The following AP3B2 variants were observed in gnomAD, a reference collection of about 807,000 sequenced individuals.
AP3B2 encodes adaptor related protein complex 3 subunit beta 2.
A neutral mutation model predicts 126.9 loss-of-function variants in AP3B2; 50 were observed. That is an observed-to-expected ratio of 0.39 (90% CI 0.31 to 0.50). The LOEUF is 0.50. Ranked by LOEUF, AP3B2 falls within the 20% of genes least tolerant of loss-of-function variation. AP3B2 has a pLI of 0.79. For missense variants in AP3B2, 1,177 were observed against 1,426.4 expected, an observed-to-expected ratio of 0.83 and a Z score of 2.82; for synonymous variants, 541 against 565.0, an observed-to-expected ratio of 0.96 and a Z score of 0.60.
chr15:82,659,488 TGAGAG>T lies in AP3B2; in HGVS notation c.*67_*71del. The stretch of plus-strand genomic sequence containing the variant: ...GGATGATGAGAGAGAGAGAGAAAGA[TGAGAG>T]AGACTGACAGCCTAGGTGTCATGGG... On this transcript the variant is annotated 3_prime_UTR_variant, in exon 27 of 27. Coordinates refer to ENST00000535359, the MANE Select transcript of AP3B2 (RefSeq NM_001278512.2). The T allele has an allele frequency of 6.4e-7, 1 of 1,561,508 alleles. No individual in the cohort carries two copies. The highest frequency in any genetic ancestry group is 2.3e-5 in the East Asian group (1 of 44,274).
chr15:82,689,674 T>A (rs1291584631), intron 1 of AP3B2: 1 of 576,012 alleles, frequency 1.7e-6, no homozygotes, highest in Non-Finnish European at 3.1e-6. Context: ...AAAAAGGATA[T>A]ATTTAAGTCT....
chr15:82,708,301 G>T (rs1015886997), intron 1 of AP3B2, among the ~76,000 whole-genome samples: 2 of 147,086 alleles, frequency 1.4e-5, no homozygotes, highest in Non-Finnish European at 3.0e-5. Context: ...ATTTCCCTTC[G>T]CTGACTCTTT....
At chr15:82,677,473 G>A (rs1015146402) in intron 12 of AP3B2, 90 bp from the exon 13 acceptor site, 36 of 1,402,324 alleles carry the variant, frequency 2.6e-5, no homozygotes, top group Non-Finnish European at 3.4e-5. Context: ...CCAGGCCCTT[G>A]GCTCTTTCTC....
intron 1 of AP3B2, chr15:82,692,673 C>G (rs778330911): frequency 6.5e-6 from 1 of 154,980 alleles, no homozygotes; most frequent in Non-Finnish European, 1.4e-5. Flanking sequence ...CCTGACCTCT[C>G]AGACCAAACT....
intron 14 of AP3B2, among the ~76,000 whole-genome samples, chr15:82,669,980 G>A (rs67205493): frequency 0.13 from 14,584 of 108,396 alleles, 1,232 homozygotes; most frequent in East Asian, 0.23. Flanking sequence ...CAGAGCCTGG[G>A]CAACAGAGTG....
intron 4 of AP3B2, among the ~76,000 whole-genome samples, chr15:82,684,642 G>A (rs995419155): frequency 6.6e-6 from 1 of 152,100 alleles, no homozygotes; most frequent in Non-Finnish European, 1.5e-5. Context: ...AGCCTCCCAA[G>A]TAGCTAAGAC....
intron 4 of AP3B2, chr15:82,686,361 C>A (rs983598335): frequency 6.6e-6 from 1 of 152,080 alleles, no homozygotes; most frequent in African/African-American, 2.4e-5. Flanking sequence ...ATGATTGGTT[C>A]CAACATGCAG....
chr15:82,689,459 G>A lies in AP3B2; in HGVS notation c.114-6C>T. On this transcript the variant is annotated splice_region_variant and splice_polypyrimidine_tract_variant and intron_variant, in intron 1 of 26. Transcript: ENST00000535359. Reference sequence around the variant, plus strand: ...TCTCCTTCAGGTCATCATGCCTGGTGGGAGGTACAAGAAGTCAGCTGAGGG... The same window carrying A: ...TCTCCTTCAGGTCATCATGCCTGGTAGGAGGTACAAGAAGTCAGCTGAGGG... 1 of 1,612,852 alleles carries A rather than the reference G, an allele frequency of 6.2e-7. No individual in the cohort carries two copies. Among genetic ancestry groups the A allele is most frequent in the Non-Finnish European group, 8.5e-7 (1 of 1,179,490 alleles).
In AP3B2 at chr15:82,680,289, T is replaced by C; in HGVS notation, c.1056-60A>G. The C allele has an allele frequency of 6.2e-7, 1 of 1,608,588 alleles. No homozygotes were observed. The highest frequency in any genetic ancestry group is 2.2e-5 in the East Asian group (1 of 44,758). ...CTCGGTTGGGGCAAGGGTCAGCGGA[T>C]GAGGGGAAAAGGTGGGGCAAGTCGT... On this transcript the variant is annotated intron_variant, in intron 8 of 26. Transcript: ENST00000535359. The surrounding 1 kb of genome is among the most constrained non-coding windows in gnomAD (Gnocchi z 6.1).
chr15:82,692,088 A>C, intron 1 of AP3B2: 1 of 1,495,782 alleles, frequency 6.7e-7, no homozygotes, highest in Non-Finnish European at 9.2e-7. Context: ...CATTCCTCCC[A>C]CCACGGGGCC....
In AP3B2 at chr15:82,709,692, G is replaced by C. The variant is rs1024465217; in HGVS notation, c.15C>G (p.Pro5=). The C allele has an allele frequency of 1.5e-5, 23 of 1,494,620 alleles. No homozygotes were observed. Among genetic ancestry groups the C allele is most frequent in the Non-Finnish European group, 2.0e-5 (22 of 1,123,604 alleles). The allele number at this position is 1,494,620 out of a possible 1,614,324, so 92.6% of individuals were successfully genotyped here. MSAA[P]AYSEDKGGSA... ...AGCCGCCCTTGTCTTCGCTGTAGGC[G>C]GGGGCGGCCGACATGGGGCGGCCAG... The change falls in exon 1 of 27, where the codon CCC becomes CCG. Residue 5 remains proline, a synonymous_variant. Transcript: ENST00000535359.
intron 1 of AP3B2, among the ~76,000 whole-genome samples, chr15:82,691,075 T>G (rs924960637): frequency 1.5e-4 from 23 of 152,212 alleles, no homozygotes; most frequent in Non-Finnish European, 2.9e-4. Context: ...AACATACGTG[T>G]GCATGTGTCT....
intron 14 of AP3B2, among the ~76,000 whole-genome samples, chr15:82,676,059 C>A (rs986275869): frequency 6.6e-6 from 1 of 152,162 alleles, no homozygotes; most frequent in Non-Finnish European, 1.5e-5. Context: ...ATCTTTGGCA[C>A]AGACTGGCCA....
In AP3B2 at chr15:82,709,648, G is replaced by C; in HGVS notation, c.59C>G (p.Pro20Arg). 1 of 1,518,976 alleles carries C rather than the reference G, an allele frequency of 6.6e-7. No homozygotes were observed. The highest frequency in any genetic ancestry group is 8.8e-7 in the Non-Finnish European group (1 of 1,136,148). 94.1% of individuals were successfully genotyped at this position (1,518,976 alleles called of 1,614,324 possible). The part of the protein sequence containing the change: ...DKGGSAGPGE[P>R]EYGHDPASGG... ...GCTCGCGGGGTCGTGGCCGTACTCG[G>C]GCTCCCCGGGGCCAGCGGAGCCGCC... The change falls in exon 1 of 27, where the codon CCC becomes CGC. Residue 20 changes from proline (P) to arginine (R), a missense_variant. Physicochemically the swap from Pro to Arg is moderately radical, Grantham distance 103. Transcript: ENST00000535359.
chr15:82,668,105 A>C (rs1049539965), intron 14 of AP3B2, among the ~76,000 whole-genome samples: 1 of 152,246 alleles, frequency 6.6e-6, no homozygotes, highest in African/African-American at 2.4e-5. Flanking sequence ...GCAGATGTCC[A>C]TAAGGGGCAA....
chr15:82,690,633 TTTC>T (rs1194659836), intron 1 of AP3B2, among the ~76,000 whole-genome samples: 9 of 149,678 alleles, frequency 6.0e-5, no homozygotes, highest in South Asian at 4.2e-4. Context: ...TGTGCCACAT[TTTC>T]TTCTTCTTTT....
chr15:82,706,328 A>G (rs1032529090), intron 1 of AP3B2, among the ~76,000 whole-genome samples: 2 of 152,132 alleles, frequency 1.3e-5, no homozygotes, highest in African/African-American at 4.8e-5. Context: ...CAATATTTAT[A>G]CTGACTCTAA....
In AP3B2 at chr15:82,680,630, G is replaced by T; in HGVS notation, c.897C>A (p.Asp299Glu). ...AAPSRKPYVM[D>E]PDHRLLLRNT... ...TGCGCAGCAGCAGCCGGTGGTCGGG[G>T]TCCATGACATAGGGCTTTCGGGAGG... is the stretch of plus-strand genomic sequence containing the variant. The change falls in exon 8 of 27, where the codon GAC becomes GAA. Residue 299 changes from aspartate to glutamate, a missense_variant. By Grantham distance (45) the Asp-to-Glu change is conservative. Transcript: ENST00000535359. This position sits in a 1 kb window ranked among gnomAD's most constrained non-coding sequence, Gnocchi z 6.1. 1 of 1,596,394 alleles carries T rather than the reference G, an allele frequency of 6.3e-7. No individual in the cohort carries two copies. The highest frequency in any genetic ancestry group is 1.1e-5 in the South Asian group (1 of 90,710).
At chr15:82,709,295 C>T (rs374496709) in intron 1 of AP3B2, among the ~76,000 whole-genome samples, 109 of 152,310 alleles carry the variant, frequency 7.2e-4, no homozygotes, top group African/African-American at 2.5e-3. Flanking sequence ...TAACGCAACG[C>T]CGCAAACCGG....
Sources: gnomAD v4.1 joint callset for allele counts (sites outside exome capture counted in the v4.1 genomes callset) on GRCh38, gnomAD v4.1.1 for gene constraint, Gnocchi (gnomAD v3.1) non-coding constraint, MANE v1.5 for transcripts, NCBI Gene and HGNC (gene_info 2026-07-23, HGNC 2026-07-21) for gene names.